SLC4A4: variants seen among roughly 807,000 people sequenced by gnomAD.
SLC4A4 encodes the protein solute carrier family 4 member 4.
SLC4A4 carries 27 observed loss-of-function variants against 111.5 expected under a neutral mutation model. The ratio of observed to expected loss-of-function variants is 0.24; its 90% CI spans 0.18 to 0.33. The LOEUF (loss-of-function observed/expected upper bound fraction) is 0.33. Ranked by LOEUF, SLC4A4 falls within the 10% of genes least tolerant of loss-of-function variation. The pLI, the probability that SLC4A4 is intolerant of heterozygous loss-of-function variation, is 1.00. For synonymous variants in SLC4A4, 443 were observed against 463.4 expected (o/e 0.96, Z 0.57); for missense variants, 909 against 1,315.5 (o/e 0.69, Z 4.78).
intron 6 of SLC4A4, among the ~76,000 whole-genome samples, chr4:71,383,593 T>TG (rs1184678768): frequency 1.3e-5 from 2 of 152,168 alleles, no homozygotes; most frequent in East Asian, 3.9e-4. Flanking sequence ...AGTTTACTGT[T>TG]TCGTAAGGAT....
At chr4:71,383,820 A>G (rs188495867) in intron 6 of SLC4A4, among the ~76,000 whole-genome samples, 69 of 152,168 alleles carry the variant, frequency 4.5e-4, no homozygotes, top group African/African-American at 1.6e-3. Flanking sequence ...TTCTTTTTAT[A>G]TATGTCTTTA....
At chr4:71,515,203 T>C (rs1732269694) in intron 16 of SLC4A4, among the ~76,000 whole-genome samples, 1 of 152,074 alleles carries the variant, frequency 6.6e-6, no homozygotes, top group African/African-American at 2.4e-5. Context: ...AAGAATTTTT[T>C]TGATTTTCAT....
intron 2 of SLC4A4, among the ~76,000 whole-genome samples, chr4:71,100,674 G>A (rs1742703104): frequency 6.6e-6 from 1 of 152,180 alleles, no homozygotes. Context: ...TTTGCAGATG[G>A]CATAATACTG....
intron 23 of SLC4A4, among the ~76,000 whole-genome samples, 174 bp downstream of exon 23, chr4:71,560,428 G>A (rs1578188860): frequency 6.7e-6 from 1 of 150,270 alleles, no homozygotes; most frequent in South Asian, 2.1e-4. Context: ...GGTTTTTTAT[G>A]TTTTCTGAAT....
At chr4:71,270,062 G>A (rs1212013286) in intron 3 of SLC4A4, among the ~76,000 whole-genome samples, 1 of 152,140 alleles carries the variant, frequency 6.6e-6, no homozygotes, top group Non-Finnish European at 1.5e-5. Context: ...ACATTAGCAA[G>A]GAGAAGAGCT....
intron 7 of SLC4A4, among the ~76,000 whole-genome samples, chr4:71,405,288 C>T (rs1283306946): frequency 2.0e-5 from 3 of 152,008 alleles, no homozygotes; most frequent in African/African-American, 7.2e-5. Flanking sequence ...AAACAACTGC[C>T]ATTAGCAGCT....
intron 1 of SLC4A4, among the ~76,000 whole-genome samples, chr4:71,215,903 ATTT>A (rs990635246): frequency 2.3e-5 from 3 of 127,840 alleles, no homozygotes; most frequent in African/African-American, 2.9e-5. Context: ...TGTCATTTCT[ATTT>A]TTTTTTTTTT....
chr4:71,492,473 A>G (rs1025460505), intron 15 of SLC4A4, among the ~76,000 whole-genome samples: 2 of 151,994 alleles, frequency 1.3e-5, no homozygotes, highest in Non-Finnish European at 2.9e-5. Context: ...TACCACAGTT[A>G]AGATCCTCAG....
intron 6 of SLC4A4, among the ~76,000 whole-genome samples, chr4:71,392,249 T>C (rs1470337740): frequency 6.6e-6 from 1 of 152,082 alleles, no homozygotes; most frequent in Non-Finnish European, 1.5e-5. Flanking sequence ...ATTTATTTGG[T>C]TGTATAGGTG....
intron 18 of SLC4A4, 142 bp downstream of exon 18, chr4:71,534,530 C>A: frequency 1.4e-6 from 1 of 720,854 alleles, no homozygotes; most frequent in Non-Finnish European, 2.4e-6. Context: ...CCAGAGATCA[C>A]TTTGTATTGG....
At chr4:71,284,161 A>T (rs1342918474) in intron 3 of SLC4A4, among the ~76,000 whole-genome samples, 1 of 152,144 alleles carries the variant, frequency 6.6e-6, no homozygotes, top group Non-Finnish European at 1.5e-5. Context: ...TTAGACTGGG[A>T]TCATTTTAGA....
In SLC4A4 at chr4:71,290,243, T is replaced by C. The variant is rs1264622273; in HGVS notation, c.253+34844T>C. On this transcript the variant is annotated intron_variant, in intron 3 of 25. Coordinates refer to ENST00000264485, the MANE Select transcript of SLC4A4 (RefSeq NM_001098484.3). ...TGCAAGGTGATAGTTCAGTAATGCA[T>C]GTGGAGTATGTATCATGGTGGTGAC... Among the ~76,000 whole-genome samples the C allele has an allele frequency of 2.0e-5, 3 of 152,110 alleles. No homozygotes were observed. In the East Asian group the frequency reaches 5.8e-4, roughly 29 times the overall value.
chr4:71,292,833 G>GT lies in SLC4A4; in HGVS notation c.253+37442dup, dbSNP rs1210782035. Among the ~76,000 whole-genome samples the GT allele has an allele frequency of 4.7e-3, 623 of 133,336 alleles. 13 individuals are homozygous for GT. Among genetic ancestry groups the GT allele is most frequent in the African/African-American group, 0.016 (515 of 33,164 alleles). The allele number at this position is 133,336 out of a possible 152,430, so 87.5% of individuals were successfully genotyped here. A position where few individuals can be genotyped will look rare whatever the true frequency, so the allele number is the denominator to read the frequency against. On this transcript the variant is annotated intron_variant, in intron 3 of 25. Transcript: ENST00000264485. ...ATAGTGTGAGTATGTCTTACTTTTG[G>GT]TTTTTTTTGTTTTTTTTTTTTTTTT...
intron 1 of SLC4A4, among the ~76,000 whole-genome samples, chr4:71,225,190 A>G (rs1718971390): frequency 6.6e-6 from 1 of 152,100 alleles, no homozygotes; most frequent in African/African-American, 2.4e-5. Context: ...CATCTCTACT[A>G]AAAATACACA....
chr4:71,348,313 T>TCACACA (rs35326504), intron 4 of SLC4A4, among the ~76,000 whole-genome samples: 6,836 of 143,738 alleles, frequency 0.048, 279 homozygotes, highest in Admixed American at 0.13. Context: ...ACTAATTTAG[T>TCACACA]CACACACACA....
intron 16 of SLC4A4, among the ~76,000 whole-genome samples, chr4:71,514,916 T>C (rs12641363): frequency 0.12 from 17,763 of 152,074 alleles, 1,259 homozygotes; most frequent in African/African-American, 0.2. Flanking sequence ...TTATTGGCTG[T>C]GTATATTTTT....
intron 7 of SLC4A4, among the ~76,000 whole-genome samples, chr4:71,405,624 G>C (rs190944621): frequency 6.6e-6 from 1 of 152,152 alleles, no homozygotes; most frequent in African/African-American, 2.4e-5. Context: ...CGTGTATTGC[G>C]AATTTAATTA....
At chr4:71,356,125 T>C (rs1730267215) in intron 5 of SLC4A4, among the ~76,000 whole-genome samples, 1 of 152,212 alleles carries the variant, frequency 6.6e-6, no homozygotes, top group African/African-American at 2.4e-5. Context: ...TAGAGTAGAA[T>C]GTACCAGGCT....
chr4:71,539,081 A>C (rs904856459), intron 18 of SLC4A4, among the ~76,000 whole-genome samples: 2 of 152,040 alleles, frequency 1.3e-5, no homozygotes, highest in Non-Finnish European at 2.9e-5. Context: ...ATTTGCTCTG[A>C]TATCTTTTAT....
Sources: allele counts gnomAD v4.1 joint callset (sites outside exome capture counted in the v4.1 genomes callset), GRCh38; gene constraint gnomAD v4.1.1; transcripts MANE v1.5; gene names NCBI Gene and HGNC (gene_info 2026-07-23, HGNC 2026-07-21).